PTPRG: variants seen among roughly 807,000 people sequenced by gnomAD.
PTPRG encodes protein tyrosine phosphatase receptor type G, also known as receptor-type tyrosine-protein phosphatase gamma.
A neutral mutation model predicts 165.3 loss-of-function variants in PTPRG; 102 were observed. The ratio of observed to expected loss-of-function variants is 0.62; its 90% CI spans 0.53 to 0.73. The LOEUF (loss-of-function observed/expected upper bound fraction) is 0.73, where lower values mean the gene tolerates loss of function less well. Among genes scored for constraint, PTPRG ranks in the 30% least tolerant of loss-of-function variants. The pLI is 0.00. For missense variants in PTPRG, 1,866 were observed against 1,861.4 expected (o/e 1.00, Z -0.05); for synonymous variants, 675 against 669.5 (o/e 1.01, Z -0.13).
chr3:61,967,284 A>T (rs62245363), intron 2 of PTPRG, among the ~76,000 whole-genome samples: 1 of 152,102 alleles, frequency 6.6e-6, no homozygotes, highest in Non-Finnish European at 1.5e-5. Context: ...TTGTGATTTG[A>T]TCTCTTGCAT....
At chr3:62,088,177 G>T (rs1404697375) in intron 5 of PTPRG, among the ~76,000 whole-genome samples, 1 of 152,204 alleles carries the variant, frequency 6.6e-6, no homozygotes, top group Non-Finnish European at 1.5e-5. Context: ...CAGGGTAGAG[G>T]CACTGCTGGC....
chr3:61,588,763 T>A (rs534741539), intron 1 of PTPRG, among the ~76,000 whole-genome samples: 1 of 152,310 alleles, frequency 6.6e-6, no homozygotes, highest in African/African-American at 2.4e-5. Context: ...GGATAAATAT[T>A]CATTAACATT....
chr3:62,073,808 G>C (rs1701287502), intron 4 of PTPRG, among the ~76,000 whole-genome samples: 1 of 152,222 alleles, frequency 6.6e-6, no homozygotes, highest in Non-Finnish European at 1.5e-5. Context: ...TGAAATTTCT[G>C]CCCTGTACGC....
intron 4 of PTPRG, among the ~76,000 whole-genome samples, chr3:62,058,480 A>C (rs1288759255): frequency 1.3e-5 from 2 of 151,982 alleles, no homozygotes; most frequent in Non-Finnish European, 2.9e-5. Context: ...TGTTCATTTT[A>C]AGTGCGTCAG....
intron 2 of PTPRG, among the ~76,000 whole-genome samples, chr3:61,930,855 G>A (rs971771561): frequency 2.6e-5 from 4 of 152,184 alleles, no homozygotes; most frequent in African/African-American, 9.7e-5. Context: ...GAGGTCAGGA[G>A]TTCGAGACCA....
chr3:61,805,265 A>G (rs1260184434), intron 2 of PTPRG, among the ~76,000 whole-genome samples: 1 of 152,148 alleles, frequency 6.6e-6, no homozygotes, highest in African/African-American at 2.4e-5. Context: ...GTAGAGGCCA[A>G]GGATGCTGCT....
At chr3:62,065,092 A>G (rs1700967224) in intron 4 of PTPRG, among the ~76,000 whole-genome samples, 1 of 152,118 alleles carries the variant, frequency 6.6e-6, no homozygotes, top group Non-Finnish European at 1.5e-5. Flanking sequence ...AATAAGAAGG[A>G]TCCATAAATC....
intron 2 of PTPRG, among the ~76,000 whole-genome samples, chr3:61,896,092 A>G (rs1230738477): frequency 6.6e-6 from 1 of 152,020 alleles, no homozygotes; most frequent in Non-Finnish European, 1.5e-5. Context: ...TGTGTGTATA[A>G]ATTCTATATA....
intron 3 of PTPRG, among the ~76,000 whole-genome samples, chr3:61,991,235 T>G (rs2107696697): frequency 6.6e-6 from 1 of 152,344 alleles, no homozygotes; most frequent in Non-Finnish European, 1.5e-5. Context: ...AGACGGAGTC[T>G]CACTCTGTTG....
At chr3:61,948,229 G>A (rs551425108) in intron 2 of PTPRG, among the ~76,000 whole-genome samples, 321 of 152,262 alleles carry the variant, frequency 2.1e-3, no homozygotes, top group Non-Finnish European at 3.0e-3. Flanking sequence ...AGAGGCTGAG[G>A]CAGGAGAATT....
intron 5 of PTPRG, among the ~76,000 whole-genome samples, chr3:62,098,012 T>A (rs1702173231): frequency 6.6e-6 from 1 of 152,230 alleles, no homozygotes; most frequent in Non-Finnish European, 1.5e-5. Context: ...TCACAGAGAT[T>A]TAATAATTCT....
At chr3:61,938,293 A>G (rs1181735578) in intron 2 of PTPRG, among the ~76,000 whole-genome samples, 1 of 148,590 alleles carries the variant, frequency 6.7e-6, no homozygotes, top group Admixed American at 6.8e-5. Context: ...ACCACATGAT[A>G]CGGGTGTATA....
chr3:62,148,832 G>C (rs1459454177), intron 6 of PTPRG, among the ~76,000 whole-genome samples: 1 of 152,140 alleles, frequency 6.6e-6, no homozygotes, highest in Non-Finnish European at 1.5e-5. Flanking sequence ...TTCCTCACCT[G>C]ATCCTGCAGA....
intron 5 of PTPRG, among the ~76,000 whole-genome samples, chr3:62,092,646 T>G (rs1224526701): frequency 1.4e-5 from 2 of 141,176 alleles, no homozygotes; most frequent in Non-Finnish European, 3.1e-5. Context: ...ACACTTAACC[T>G]TTCTGTGCCT....
At chr3:62,024,239 T>C (rs1464657834) in intron 4 of PTPRG, among the ~76,000 whole-genome samples, 1 of 152,186 alleles carries the variant, frequency 6.6e-6, no homozygotes, top group African/African-American at 2.4e-5. Flanking sequence ...CAAGTCCTTT[T>C]TGTGTTAATT....
intron 1 of PTPRG, among the ~76,000 whole-genome samples, chr3:61,615,298 T>G (rs1220142760): frequency 2.0e-5 from 3 of 152,236 alleles, no homozygotes; most frequent in Non-Finnish European, 4.4e-5. Flanking sequence ...CTGGAACAGT[T>G]TCTCGGAATT....
chr3:61,998,539 G>A (rs1227884159), intron 3 of PTPRG, among the ~76,000 whole-genome samples: 1 of 152,166 alleles, frequency 6.6e-6, no homozygotes, highest in African/African-American at 2.4e-5. Context: ...GTGGACAGTG[G>A]CAGAACTAGG....
intron 16 of PTPRG, chr3:62,262,380 C>T (rs1701725621): frequency 6.5e-6 from 1 of 153,264 alleles, no homozygotes; most frequent in East Asian, 1.9e-4. Context: ...TCCCTTTCTT[C>T]CTTTAAGACT....
intron 6 of PTPRG, among the ~76,000 whole-genome samples, chr3:62,147,419 C>T (rs934653234): frequency 6.6e-6 from 1 of 152,152 alleles, no homozygotes; most frequent in Admixed American, 6.5e-5. Context: ...AGAAAGTTGA[C>T]GGGGCCCTTT....
Sources: gnomAD v4.1 joint callset for allele counts (sites outside exome capture counted in the v4.1 genomes callset) on GRCh38, gnomAD v4.1.1 for gene constraint, MANE v1.5 for transcripts, NCBI Gene and HGNC (gene_info 2026-07-23, HGNC 2026-07-21) for gene names.